Variants in GOLGA2 observed in about 807,000 individuals in gnomAD.
GOLGA2 encodes golgin subfamily A member 2.
In GOLGA2, 49 loss-of-function variants were observed where a neutral mutation model predicts 148.8. The ratio of observed to expected loss-of-function variants is 0.33; its 90% CI spans 0.26 to 0.42. GOLGA2 has a LOEUF of 0.42. Ranked by LOEUF, GOLGA2 falls within the 10% of genes least tolerant of loss-of-function variation. The pLI is 1.00. For missense variants in GOLGA2, 1,178 were observed against 1,304.6 expected (o/e 0.90, Z 1.49); for synonymous variants, 501 against 511.8 (o/e 0.98, Z 0.28).
intron 12 of GOLGA2, 84 bp downstream of exon 12, chr9:128,265,501 C>T: frequency 9.7e-7 from 1 of 1,035,990 alleles, no homozygotes; most frequent in East Asian, 2.4e-5. Context: ...GCAGGACAGT[C>T]AACCCTGCAG....
In GOLGA2 at chr9:128,261,094, C is replaced by A. The variant is rs1219260280; in HGVS notation, c.1420+78G>T. On this transcript the variant is annotated intron_variant, in intron 17 of 26. Transcript: ENST00000611957. This position sits in a 1 kb window ranked among gnomAD's most constrained non-coding sequence, Gnocchi z 5.7. ...CCTCAAAGCCATTCCATCCACCCAA[C>A]TCCCTGGGGCATTCTAAACCACCCC... is the stretch of plus-strand genomic sequence containing the variant. 1.0e-5 allele frequency: 10 copies of A among 977,138 alleles called. No individual in the cohort carries two copies. Among genetic ancestry groups the A allele is most frequent in the Non-Finnish European group, 1.7e-5 (10 of 601,572 alleles). 60.5% of individuals were successfully genotyped at this position (977,138 alleles called of 1,614,324 possible). A position where few individuals can be genotyped will look rare whatever the true frequency, so the allele number is the denominator to read the frequency against.
At chr9:128,269,213 T>C (rs1358416271) in intron 3 of GOLGA2, among the ~76,000 whole-genome samples, 1 of 151,880 alleles carries the variant, frequency 6.6e-6, no homozygotes, top group Non-Finnish European at 1.5e-5. Context: ...TCTCCCAAAA[T>C]GTTGAGATTA....
rs144808384 is a variant in GOLGA2, at chr9:128,259,787, G to A, written c.1872+289C>T. Among the ~76,000 whole-genome samples the A allele has an allele frequency of 2.2e-3, 334 of 152,352 alleles. 1 individual carries two copies. Among genetic ancestry groups the A allele is most frequent in the African/African-American group, 7.8e-3 (323 of 41,568 alleles). On this transcript the variant is annotated intron_variant, in intron 19 of 26. Coordinates refer to ENST00000611957, the MANE Select transcript of GOLGA2 (RefSeq NM_001366244.2). ...GTTGAATGATGACCAGTGGAGCAAA[G>A]GCCAGAATCCAGTTTGAATCTAAGG...
rs1831136394 is a variant in GOLGA2 at position 128,273,986 on chromosome 9, G to A, written c.85-14C>T. The A allele has an allele frequency of 1.2e-6, 2 of 1,608,026 alleles. No homozygotes were observed. The highest frequency in any genetic ancestry group is 4.5e-5 in the East Asian group (2 of 44,774). ...ATATTCTCTCAACTGTGGAAAAGAA[G>A]AGCAATAATATTCATGAGATCTACA... On this transcript the variant is annotated splice_polypyrimidine_tract_variant and intron_variant, in intron 1 of 26. Transcript: ENST00000611957.
Position 128,263,029 on chromosome 9 carries a change from C to A in GOLGA2, c.992+5G>T. 1 of 1,594,588 alleles carries A rather than the reference C, an allele frequency of 6.3e-7. No individual in the cohort carries two copies. On this transcript the variant is annotated splice_donor_5th_base_variant and intron_variant, in intron 13 of 26. Coordinates refer to ENST00000611957, the MANE Select transcript of GOLGA2 (RefSeq NM_001366244.2). ...GACCTCCCATCCCACCATCCCCCAT[C>A]CTACGTGTTCTTGTATAACTCCAGC...
In GOLGA2 at chr9:128,263,111, T is replaced by C; in HGVS notation, c.934-19A>G. ...TGTTGTACTGTAAATACAGAAAGGT[T>C]AAGTCAGGATATAGCAGGCAGAGGA... On this transcript the variant is annotated intron_variant, in intron 12 of 26. Coordinates refer to ENST00000611957, the MANE Select transcript of GOLGA2 (RefSeq NM_001366244.2). The C allele has an allele frequency of 6.4e-7, 1 of 1,562,378 alleles. No individual in the cohort carries two copies. Among genetic ancestry groups the C allele is most frequent in the Non-Finnish European group, 8.8e-7 (1 of 1,133,586 alleles).
Position 128,258,047 on chromosome 9 carries a change from C to T in GOLGA2, c.2441G>A (p.Gly814Glu). 1 of 1,612,034 alleles carries T rather than the reference C, an allele frequency of 6.2e-7. No individual in the cohort carries two copies. The highest frequency in any genetic ancestry group is 8.5e-7 in the Non-Finnish European group (1 of 1,179,654). Residue 814 changes from glycine to glutamate, a missense_variant, in exon 23 of 27, where the codon GGG (glycine) becomes GAG (glutamate). By Grantham distance (98) the Gly-to-Glu change is moderately conservative. Around this residue, in one of 5 missense-constraint regions of GOLGA2, gnomAD observed 529 missense variants for 521.8 expected, o/e 1.01. Coordinates refer to ENST00000611957, the MANE Select transcript of GOLGA2 (RefSeq NM_001366244.2). This position sits in a 1 kb window ranked among gnomAD's most constrained non-coding sequence, Gnocchi z 6.6. Reference sequence around the variant, plus strand: ...CCCACACACAGAATCACCCCCGGTCCCTGGGGCTGGGGCTGCTGCCTCAGG... The same window carrying T: ...CCCACACACAGAATCACCCCCGGTCTCTGGGGCTGGGGCTGCTGCCTCAGG... ...KEPEAAAPAPGTGGDSVCGET... is the reference protein window; with the variant it reads ...KEPEAAAPAPETGGDSVCGET...
Position 128,261,446 on chromosome 9 carries a change from G to A in GOLGA2, c.1332+8C>T. ...AGGTTGAGGGGGAGCTGAAGGGTCA[G>A]GTCTCACCTGCTCTGACATCTGCTG... On this transcript the variant is annotated splice_region_variant and intron_variant, in intron 16 of 26. Transcript: ENST00000611957. This position sits in a 1 kb window ranked among gnomAD's most constrained non-coding sequence, Gnocchi z 5.7. The A allele has an allele frequency of 2.0e-6, 3 of 1,516,446 alleles. No homozygotes were observed. Among genetic ancestry groups the A allele is most frequent in the Non-Finnish European group, 2.8e-6 (3 of 1,090,848 alleles). The allele number at this position is 1,516,446 out of a possible 1,614,324, so 93.9% of individuals were successfully genotyped here.
At position 128,261,896 on chromosome 9, in the gene GOLGA2, TA is replaced by T. The variant is rs1334869544; in HGVS notation, c.1135-140del. On this transcript the variant is annotated intron_variant, in intron 14 of 26. Transcript: ENST00000611957. The surrounding 1 kb of genome is among the most constrained non-coding windows in gnomAD (Gnocchi z 5.7). ...CTGTCAAGTTTCTTTGCTTTAGAAA[TA>T]AAAAATAATTTTAAAAAGATCTCAG... 4.9e-6 allele frequency: 3 copies of T among 616,906 alleles called. No individual in the cohort carries two copies. Among genetic ancestry groups the T allele is most frequent in the African/African-American group, 3.7e-5 (2 of 54,014 alleles). 38.2% of individuals were successfully genotyped at this position (616,906 alleles called of 1,614,324 possible).
intron 4 of GOLGA2, 121 bp downstream of exon 4, chr9:128,268,298 CT>C: frequency 9.4e-7 from 1 of 1,065,554 alleles, no homozygotes; most frequent in Non-Finnish European, 1.5e-6. Flanking sequence ...CAGTCTGAGC[CT>C]TCCCCCGGCC....
In GOLGA2 at chr9:128,260,495, C is replaced by T. The variant is rs1564363551; in HGVS notation, c.1728G>A (p.Leu576=). 3.7e-6 allele frequency: 6 copies of T among 1,612,306 alleles called. No individual in the cohort carries two copies. Among genetic ancestry groups the T allele is most frequent in the Non-Finnish European group, 4.2e-6 (5 of 1,179,016 alleles). The change falls in exon 18 of 27, where the codon CTG becomes CTA. Residue 576 remains leucine (L), a synonymous_variant. Transcript: ENST00000611957. The surrounding 1 kb of genome is among the most constrained non-coding windows in gnomAD (Gnocchi z 4.8). ...TTACAAATCCGCTCTGCAGCTCAGC[C>T]AGCTGCTCCTTGAGCTCCCGGTTCT... ...LSQNRELKEQ[L]AELQSGFVKL...
At position 128,273,880 on chromosome 9, in the gene GOLGA2, G is replaced by A. The variant is rs774735776; in HGVS notation, c.177C>T (p.Thr59=). Residue 59 remains threonine (T), a synonymous_variant, in exon 2 of 27, where the codon ACC becomes ACT. Coordinates refer to ENST00000611957, the MANE Select transcript of GOLGA2 (RefSeq NM_001366244.2). ...KIKNGSNPET[T]TSGGCHSPED... ...CAGGTGAGTGGCAACCACCAGAAGTGGTTGTCTCAGGGTTACTGCCATTTT... is the reference window on the plus strand; with the variant it reads ...CAGGTGAGTGGCAACCACCAGAAGTAGTTGTCTCAGGGTTACTGCCATTTT... 12 of 1,614,048 alleles carry A rather than the reference G, an allele frequency of 7.4e-6. No homozygotes were observed. In the South Asian group the frequency reaches 1.1e-4, roughly 15 times the overall value.
chr9:128,269,727 GC>G (rs1291723310), intron 3 of GOLGA2, among the ~76,000 whole-genome samples: 5 of 152,232 alleles, frequency 3.3e-5, no homozygotes, highest in Admixed American at 2.6e-4. Context: ...ACACCAGGGA[GC>G]CAGGGCCTGG....
rs535046156 is a variant in GOLGA2, at chr9:128,256,540, T to C, written c.*527A>G. The stretch of plus-strand genomic sequence containing the variant: ...TTTTTTTTTTTTTTGAGACAGAGTC[T>C]CACTCTGTCGCCCAGGCTGGAGTGC... On this transcript the variant is annotated 3_prime_UTR_variant, in exon 27 of 27. Coordinates refer to ENST00000611957, the MANE Select transcript of GOLGA2 (RefSeq NM_001366244.2). 1 of 151,474 alleles carries C rather than the reference T, an allele frequency of 6.6e-6. No homozygotes were observed. The highest frequency in any genetic ancestry group is 6.6e-5 in the Admixed American group (1 of 15,222). The allele number at this position is 151,474 out of a possible 1,614,324, so 9.4% of individuals were successfully genotyped here.
intron 19 of GOLGA2, among the ~76,000 whole-genome samples, chr9:128,259,680 C>T (rs1311429668): frequency 2.0e-5 from 3 of 152,242 alleles, no homozygotes; most frequent in African/African-American, 7.2e-5. Context: ...CGTATTATCT[C>T]ATTGAATCCT....
intron 3 of GOLGA2, among the ~76,000 whole-genome samples, 165 bp from the exon 4 acceptor site, chr9:128,268,689 G>C (rs1830752032): frequency 6.6e-6 from 1 of 152,116 alleles, no homozygotes; most frequent in African/African-American, 2.4e-5. Context: ...CCAGGCCTTG[G>C]GCTGCTAGGC....
rs1446973706 is a variant in GOLGA2 at position 128,257,432 on chromosome 9, C to A, written c.2812G>T (p.Ala938Ser). The A allele has an allele frequency of 2.5e-6, 4 of 1,613,044 alleles. No homozygotes were observed. The highest frequency in any genetic ancestry group is 2.5e-6 in the Non-Finnish European group (3 of 1,179,992). ...GRFLAAAQNPADEPTSGAPAP... is the reference protein window; with the variant it reads ...GRFLAAAQNPSDEPTSGAPAP... ...GGGGCCCCTGAAGTGGGCTCATCAGCAGGGTTCTGGGCAGCTGCCAGGAAT... is the reference window on the plus strand; with the variant it reads ...GGGGCCCCTGAAGTGGGCTCATCAGAAGGGTTCTGGGCAGCTGCCAGGAAT... Residue 938 changes from alanine (A) to serine (S), a missense_variant, in exon 26 of 27, where the codon GCT becomes TCT. Physicochemically the swap from Ala to Ser is moderately conservative, Grantham distance 99 (BLOSUM62 1). Coordinates refer to ENST00000611957, the MANE Select transcript of GOLGA2 (RefSeq NM_001366244.2). This position sits in a 1 kb window ranked among gnomAD's most constrained non-coding sequence, Gnocchi z 8.0.
chr9:128,266,139 C>T lies in GOLGA2; in HGVS notation c.682-119G>A. On this transcript the variant is annotated intron_variant, in intron 9 of 26. Coordinates refer to ENST00000611957, the MANE Select transcript of GOLGA2 (RefSeq NM_001366244.2). This position sits in a 1 kb window ranked among gnomAD's most constrained non-coding sequence, Gnocchi z 4.2. The stretch of plus-strand genomic sequence containing the variant: ...AGGCCCACCCATGGGACCAGGTTAT[C>T]AGGGACCCTGTGGGGATGGGGTGGA... 7.3e-7 allele frequency: 1 copy of T among 1,371,274 alleles called. No individual in the cohort carries two copies. Among genetic ancestry groups the T allele is most frequent in the Non-Finnish European group, 1.0e-6 (1 of 959,172 alleles). 84.9% of individuals were successfully genotyped at this position (1,371,274 alleles called of 1,614,324 possible). A position where few individuals can be genotyped will look rare whatever the true frequency, so the allele number is the denominator to read the frequency against.
chr9:128,262,445 G>T (rs1830329668), intron 14 of GOLGA2, 118 bp downstream of exon 14: 9 of 901,580 alleles, frequency 1.0e-5, no homozygotes, highest in Non-Finnish European at 1.5e-5. Context: ...GCCAGGACCG[G>T]AACAAGGACC....
Sources: gnomAD v4.1 joint callset for allele counts (sites outside exome capture counted in the v4.1 genomes callset) on GRCh38, gnomAD v4.1.1 for gene constraint, gnomAD v4.1.1 regional missense constraint, Gnocchi (gnomAD v3.1) non-coding constraint, MANE v1.5 for transcripts, NCBI Gene and HGNC (gene_info 2026-07-23, HGNC 2026-07-21) for gene names.